The following TEAD1 variants were observed in gnomAD, a reference collection of about 807,000 sequenced individuals.
TEAD1 encodes transcriptional enhancer factor TEF-1.
TEAD1 carries 9 observed loss-of-function variants against 54.9 expected under a neutral mutation model. That is an observed-to-expected ratio of 0.16 (90% CI 0.10 to 0.29). The LOEUF (loss-of-function observed/expected upper bound fraction) is 0.29, where lower values mean the gene tolerates loss of function less well. TEAD1 is among the 10% of genes least tolerant of loss of function. The probability of loss-of-function intolerance (pLI) is 1.00; values close to 1 mark genes in which losing one functional copy is unlikely to be tolerated. For missense variants in TEAD1, 387 were observed against 535.9 expected (o/e 0.72, Z 2.74); for synonymous variants, 200 against 187.8 (o/e 1.07, Z -0.53).
At chr11:12,926,156 GC>G (rs1202838408) in intron 11 of TEAD1, among the ~76,000 whole-genome samples, 1 of 152,158 alleles carries the variant, frequency 6.6e-6, no homozygotes, top group Non-Finnish European at 1.5e-5. Context: ...AGGTTCAAGA[GC>G]CCACCTTAGC....
chr11:12,777,247 G>A lies in TEAD1; in HGVS notation c.202+12813G>A, dbSNP rs182096609. Among the ~76,000 whole-genome samples the A allele has an allele frequency of 1.2e-4, 18 of 152,148 alleles. No individual in the cohort carries two copies. The East Asian group carries it at 2.1e-3, about 18-fold the overall frequency. ...TTCTTTATTGCATTGTAGTCCCCCCGCCTTTGGGGGAAATATTTGTCACCC... is the reference window on the plus strand; with the variant it reads ...TTCTTTATTGCATTGTAGTCCCCCCACCTTTGGGGGAAATATTTGTCACCC... On this transcript the variant is annotated intron_variant, in intron 3 of 12. Coordinates refer to ENST00000527636, the MANE Select transcript of TEAD1 (RefSeq NM_021961.6).
intron 5 of TEAD1, 120 bp from the exon 6 acceptor site, chr11:12,879,588 C>G: frequency 7.9e-7 from 1 of 1,269,028 alleles, no homozygotes; most frequent in Non-Finnish European, 1.1e-6. Context: ...TGCATGTTTG[C>G]TTTTTTTGGC....
chr11:12,824,129 T>G (rs897086917), intron 3 of TEAD1, among the ~76,000 whole-genome samples: 3 of 152,240 alleles, frequency 2.0e-5, no homozygotes, highest in Non-Finnish European at 2.9e-5. Flanking sequence ...AAGTCATTTT[T>G]CAAACAGTAT....
intron 1 of TEAD1, 48 bp from the exon 2 acceptor site, chr11:12,675,361 T>G (rs79997951): frequency 6.6e-6 from 1 of 152,218 alleles, no homozygotes; most frequent in Non-Finnish European, 1.5e-5. Context: ...GTTCGCTCCT[T>G]CTTCTCAAAG....
Position 12,924,948 on chromosome 11 carries a change from G to T in TEAD1, c.910G>T (p.Ala304Ser). 1 of 1,614,136 alleles carries T rather than the reference G, an allele frequency of 6.2e-7. No individual in the cohort carries two copies. Among genetic ancestry groups the T allele is most frequent in the Non-Finnish European group, 8.5e-7 (1 of 1,180,026 alleles). The stretch of plus-strand genomic sequence containing the variant: ...CTGCAATATTCAAGATGATGCTGGG[G>T]CTTTTTATGGTGTAACCAGTCAGTA... Residue 304 changes from alanine to serine, a missense_variant, in exon 11 of 13, where the codon GCT becomes TCT. Physicochemically the swap from Ala to Ser is moderately conservative, Grantham distance 99. Transcript: ENST00000527636.
chr11:12,750,592 T>C (rs562125195), intron 2 of TEAD1, among the ~76,000 whole-genome samples: 5 of 152,132 alleles, frequency 3.3e-5, no homozygotes, highest in African/African-American at 1.2e-4. Context: ...CCTTCAGGAG[T>C]TGCTCACACA....
At chr11:12,795,248 C>T (rs1273180871) in intron 3 of TEAD1, among the ~76,000 whole-genome samples, 1 of 152,174 alleles carries the variant, frequency 6.6e-6, no homozygotes, top group African/African-American at 2.4e-5. Context: ...GGTATTCTCT[C>T]CTAGGGTTGT....
intron 3 of TEAD1, among the ~76,000 whole-genome samples, chr11:12,841,925 G>T (rs1294917979): frequency 6.6e-6 from 1 of 152,102 alleles, no homozygotes; most frequent in Non-Finnish European, 1.5e-5. Context: ...GTCTGGGAAG[G>T]TCTCTTTTAA....
chr11:12,778,670 A>C (rs1388244417), intron 3 of TEAD1, among the ~76,000 whole-genome samples: 1 of 151,922 alleles, frequency 6.6e-6, no homozygotes, highest in Non-Finnish European at 1.5e-5. Context: ...GCCCCCAAAA[A>C]ATGTTTGAAT....
chr11:12,860,467 T>A (rs1589933762), intron 3 of TEAD1, among the ~76,000 whole-genome samples: 1 of 152,178 alleles, frequency 6.6e-6, no homozygotes, highest in African/African-American at 2.4e-5. Context: ...GAGCCATGAC[T>A]CTAGGACATT....
At chr11:12,755,485 A>G (rs1277777390) in intron 2 of TEAD1, among the ~76,000 whole-genome samples, 5 of 152,114 alleles carry the variant, frequency 3.3e-5, no homozygotes, top group African/African-American at 1.2e-4. Flanking sequence ...CCCCAAGTGT[A>G]TGTTGACTCC....
chr11:12,839,833 A>G (rs187901032), intron 3 of TEAD1, among the ~76,000 whole-genome samples: 6 of 152,338 alleles, frequency 3.9e-5, no homozygotes, highest in Admixed American at 3.3e-4. Flanking sequence ...GAAAGCCCAC[A>G]TTGAAGGTAA....
At chr11:12,867,611 A>G (rs966917065) in intron 5 of TEAD1, among the ~76,000 whole-genome samples, 2 of 151,984 alleles carry the variant, frequency 1.3e-5, no homozygotes, top group African/African-American at 2.4e-5. Context: ...TATGGGCTCA[A>G]CTCTGTTGAT....
At chr11:12,845,516 G>C (rs887462201) in intron 3 of TEAD1, among the ~76,000 whole-genome samples, 1 of 152,162 alleles carries the variant, frequency 6.6e-6, no homozygotes, top group Non-Finnish European at 1.5e-5. Context: ...AAAGCTCTGT[G>C]ACATGCATTA....
In TEAD1 at chr11:12,883,139, G is replaced by C; in HGVS notation, c.699+14G>C. ...GACCCAGACTCGGTGAGTGTGCCCA[G>C]AGAGGTGTGTCTTGAATCCAGGATT... On this transcript the variant is annotated intron_variant, in intron 9 of 12. Coordinates refer to ENST00000527636, the MANE Select transcript of TEAD1 (RefSeq NM_021961.6). 1.2e-6 allele frequency: 2 copies of C among 1,614,146 alleles called. No individual in the cohort carries two copies. The highest frequency in any genetic ancestry group is 1.3e-5 in the African/African-American group (1 of 75,042).
At chr11:12,872,621 A>G (rs1364774136) in intron 5 of TEAD1, among the ~76,000 whole-genome samples, 1 of 152,222 alleles carries the variant, frequency 6.6e-6, no homozygotes, top group Non-Finnish European at 1.5e-5. Flanking sequence ...AGATAAAGAT[A>G]ATTCTGTGTG....
At chr11:12,699,160 T>C (rs1943645158) in intron 2 of TEAD1, among the ~76,000 whole-genome samples, 1 of 152,222 alleles carries the variant, frequency 6.6e-6, no homozygotes, top group African/African-American at 2.4e-5. Context: ...CTCATCACTG[T>C]ATCTTTCACC....
At chr11:12,923,645 T>C (rs182781223) in intron 10 of TEAD1, among the ~76,000 whole-genome samples, 3 of 152,308 alleles carry the variant, frequency 2.0e-5, no homozygotes, top group East Asian at 3.9e-4. Context: ...ACAGCCTGGG[T>C]AATTTATAAA....
intron 3 of TEAD1, among the ~76,000 whole-genome samples, chr11:12,837,738 C>CTT (rs1184011405): frequency 6.8e-6 from 1 of 147,886 alleles, no homozygotes; most frequent in African/African-American, 2.5e-5. Flanking sequence ...TTCTCCTCCT[C>CTT]CTTCTTCTTC....
Sources: allele counts gnomAD v4.1 joint callset (sites outside exome capture counted in the v4.1 genomes callset), GRCh38; gene constraint gnomAD v4.1.1; transcripts MANE v1.5; gene names NCBI Gene and HGNC (gene_info 2026-07-23, HGNC 2026-07-21).